The following CHI3L2 variants were observed in gnomAD, a reference collection of about 807,000 sequenced individuals.
CHI3L2 encodes chitinase 3 like 2.
A neutral mutation model predicts 47.3 loss-of-function variants in CHI3L2; 47 were observed. The observed-to-expected ratio is 0.99, with a 90% confidence interval of 0.79 to 1.27. The LOEUF (loss-of-function observed/expected upper bound fraction) is 1.27, where lower values mean the gene tolerates loss of function less well. Among genes scored for constraint, CHI3L2 ranks in the 50% most tolerant of loss-of-function variants. The pLI is 0.00. For synonymous variants in CHI3L2, 198 were observed against 169.9 expected, an observed-to-expected ratio of 1.17 and a Z score of -1.28; for missense variants, 497 against 462.1, an observed-to-expected ratio of 1.08 and a Z score of -0.69.
chr1:111,235,147 C>G, intron 5 of CHI3L2, 90 bp downstream of exon 5: 1 of 1,367,694 alleles, frequency 7.3e-7, no homozygotes, highest in Non-Finnish European at 1.0e-6. Context: ...CATTGGGAGA[C>G]AAAAAGGAGG....
At chr1:111,227,921 G>A in intron 1 of CHI3L2, 152 bp downstream of exon 1, 1 of 743,212 alleles carries the variant, frequency 1.3e-6, no homozygotes, top group Non-Finnish European at 2.3e-6. Context: ...AACTGTTGTA[G>A]GGGAACCACC....
intron 4 of CHI3L2, 114 bp downstream of exon 4, chr1:111,231,408 C>A: frequency 1.3e-6 from 1 of 777,596 alleles, no homozygotes; most frequent in Non-Finnish European, 2.1e-6. Flanking sequence ...TTTCCCTTGG[C>A]CAGGTGGCAA....
In CHI3L2 at chr1:111,241,320, C is replaced by T. The variant is rs56403938; in HGVS notation, c.919-7C>T. On this transcript the variant is annotated splice_region_variant and splice_polypyrimidine_tract_variant and intron_variant, in intron 8 of 10. Transcript: ENST00000369748. ...ACTGACCCTCTCGTTTCCCTTTCCC[C>T]TGCCAGATCTGCCAGTTCCTGAAAG... 0.1 allele frequency: 152,622 copies of T among 1,472,974 alleles called. 10,428 individuals are homozygous for T. The highest frequency in any genetic ancestry group is 0.37 in the East Asian group (16,351 of 44,414). 91.2% of individuals were successfully genotyped at this position (1,472,974 alleles called of 1,614,324 possible).
intron 2 of CHI3L2, among the ~76,000 whole-genome samples, chr1:111,230,168 T>G (rs775874574): frequency 6.6e-6 from 1 of 152,194 alleles, no homozygotes; most frequent in African/African-American, 2.4e-5. Flanking sequence ...TCTACTGATC[T>G]GTGTCATCCA....
intron 1 of CHI3L2, 79 bp downstream of exon 1, chr1:111,227,848 C>T (rs1659571107): frequency 7.2e-7 from 1 of 1,392,718 alleles, no homozygotes; most frequent in African/African-American, 1.4e-5. Flanking sequence ...AAGTAATCTT[C>T]CTCCTTTCCT....
chr1:111,233,580 A>C (rs2764545), intron 4 of CHI3L2, among the ~76,000 whole-genome samples: 51,266 of 151,380 alleles, frequency 0.34, 10,040 homozygotes, highest in East Asian at 0.55. Flanking sequence ...GGGGGTCAGC[A>C]CCCCGCCCGG....
At chr1:111,234,062 C>G (rs1212407147) in intron 4 of CHI3L2, among the ~76,000 whole-genome samples, 1 of 150,028 alleles carries the variant, frequency 6.7e-6, no homozygotes, top group Admixed American at 6.6e-5. Context: ...TGCGGAAGGC[C>G]GCAGGGTCCT....
Position 111,236,159 on chromosome 1 carries a change from T to G in CHI3L2, c.735+6T>G, listed in dbSNP as rs1659882237. On this transcript the variant is annotated splice_donor_region_variant and intron_variant, in intron 7 of 10. Coordinates refer to ENST00000369748, the MANE Select transcript of CHI3L2 (RefSeq NM_004000.3). ...CAAGCTCCTACTACAATGTGGTGAG[T>G]AGGCCAGGGGAACCGCAGGGGTACT... is the stretch of plus-strand genomic sequence containing the variant. 1 of 1,613,748 alleles carries G rather than the reference T, an allele frequency of 6.2e-7. No individual in the cohort carries two copies. Among genetic ancestry groups the G allele is most frequent in the African/African-American group, 1.3e-5 (1 of 74,830 alleles).
At chr1:111,242,203 T>C in intron 9 of CHI3L2, 24 bp from the exon 10 acceptor site, 1 of 1,614,040 alleles carries the variant, frequency 6.2e-7, no homozygotes, top group South Asian at 1.1e-5. Flanking sequence ...CGAATCTCTG[T>C]GTATCCTTCT....
At chr1:111,229,345 T>C (rs1217175000) in intron 1 of CHI3L2, among the ~76,000 whole-genome samples, 3 of 152,156 alleles carry the variant, frequency 2.0e-5, no homozygotes, top group African/African-American at 7.2e-5. Context: ...CCTAGGAATG[T>C]AGAGACACAA....
chr1:111,234,293 G>A (rs1392871202), intron 4 of CHI3L2, among the ~76,000 whole-genome samples: 2 of 152,140 alleles, frequency 1.3e-5, no homozygotes, highest in Non-Finnish European at 2.9e-5. Context: ...CCTCAGTATG[G>A]TACTGGGTTC....
At position 111,242,366 on chromosome 1, in the gene CHI3L2, G is replaced by C. The variant is rs1468778812; in HGVS notation, c.*2G>C. On this transcript the variant is annotated splice_region_variant and 3_prime_UTR_variant, in exon 10 of 11. Transcript: ENST00000369748. ...AAGAGAAGCCTTGGCTCCCTGTGAAGGTAACAGTCCAGGCTGGAGCTGGGA... is the reference window on the plus strand; with the variant it reads ...AAGAGAAGCCTTGGCTCCCTGTGAACGTAACAGTCCAGGCTGGAGCTGGGA... 6.2e-7 allele frequency: 1 copy of C among 1,603,334 alleles called. No homozygotes were observed. Among genetic ancestry groups the C allele is most frequent in the Non-Finnish European group, 8.5e-7 (1 of 1,174,646 alleles).
Position 111,241,122 on chromosome 1 carries a change from A to C in CHI3L2, c.919-205A>C, listed in dbSNP as rs143719506. On this transcript the variant is annotated intron_variant, in intron 8 of 10. Transcript: ENST00000369748. ...AGCTGCTGTGTCTCCTCCTGATGAG[A>C]CTTTAGCACAGACACTTCCTAGAGG... Among the ~76,000 whole-genome samples, 296 of 152,254 alleles carry C rather than the reference A, an allele frequency of 1.9e-3. 1 individual carries two copies. Among genetic ancestry groups the C allele is most frequent in the African/African-American group, 5.9e-3 (244 of 41,548 alleles).
At chr1:111,242,668 T>A (rs1404084408) in intron 10 of CHI3L2, 1 of 212,866 alleles carries the variant, frequency 4.7e-6, no homozygotes, top group Non-Finnish European at 9.4e-6. Flanking sequence ...AATTCTTGGT[T>A]ACAAAATCAT....
intron 1 of CHI3L2, among the ~76,000 whole-genome samples, chr1:111,229,464 C>T (rs1218052445): frequency 2.0e-5 from 3 of 151,602 alleles, no homozygotes; most frequent in Non-Finnish European, 2.9e-5. Context: ...GGGCGGATCA[C>T]GAGGTCAGGA....
chr1:111,232,594 C>G (rs1319128486), intron 4 of CHI3L2, among the ~76,000 whole-genome samples: 6 of 152,168 alleles, frequency 3.9e-5, no homozygotes, highest in Admixed American at 1.3e-4. Flanking sequence ...GCAACGCAAG[C>G]AAACTGTTTA....
intron 4 of CHI3L2, among the ~76,000 whole-genome samples, chr1:111,234,355 A>T (rs7526282): frequency 0.055 from 8,367 of 152,214 alleles, 688 homozygotes; most frequent in African/African-American, 0.18. Context: ...AGAGCACGCT[A>T]GGGGCAATCA....
intron 10 of CHI3L2, among the ~76,000 whole-genome samples, chr1:111,242,790 A>G (rs982996936): frequency 5.3e-5 from 8 of 152,008 alleles, no homozygotes; most frequent in Non-Finnish European, 8.8e-5. Flanking sequence ...TCCCCCACCC[A>G]CAGTTGATCT....
chr1:111,240,415 T>C (rs1480960696), intron 8 of CHI3L2, among the ~76,000 whole-genome samples: 1 of 152,172 alleles, frequency 6.6e-6, no homozygotes, highest in Non-Finnish European at 1.5e-5. Flanking sequence ...GACCCATCCT[T>C]GGGTAGTTCT....
Sources: allele counts gnomAD v4.1 joint callset (sites outside exome capture counted in the v4.1 genomes callset), GRCh38; gene constraint gnomAD v4.1.1; transcripts MANE v1.5; gene names NCBI Gene and HGNC (gene_info 2026-07-23, HGNC 2026-07-21).